The following TLE1 variants were observed in gnomAD, a reference collection of about 807,000 sequenced individuals.
The protein encoded by TLE1 is transducin-like enhancer protein 1.
In TLE1, 21 loss-of-function variants were observed where a neutral mutation model predicts 89.8. The ratio of observed to expected loss-of-function variants is 0.23; its 90% confidence interval spans 0.17 to 0.34. The LOEUF (loss-of-function observed/expected upper bound fraction) is 0.34. TLE1 is among the 10% of genes least tolerant of loss of function. The pLI is 1.00. For synonymous variants in TLE1, 447 were observed against 407.6 expected (o/e 1.10, Z -1.16); for missense variants, 795 against 1,031.2 (o/e 0.77, Z 3.14).
At position 81,617,764 on chromosome 9, in the gene TLE1, G is replaced by A. The variant is rs1739702803; in HGVS notation, c.712-1065C>T. On this transcript the variant is annotated intron_variant, in intron 9 of 19. Coordinates refer to ENST00000376499, the MANE Select transcript of TLE1 (RefSeq NM_005077.5). ...ATGTGGGCTGGGCGCGGTGGCTCAA[G>A]CCTATAATCCCAGCACTTTGGGAGG... is the stretch of plus-strand genomic sequence containing the variant. Among the ~76,000 whole-genome samples, 6 of 152,146 alleles carry A rather than the reference G, an allele frequency of 3.9e-5. No individual in the cohort carries two copies. In the South Asian group the frequency reaches 1.2e-3, roughly 32 times the overall value.
At chr9:81,636,960 G>C (rs998163857) in intron 6 of TLE1, among the ~76,000 whole-genome samples, 1 of 147,970 alleles carries the variant, frequency 6.8e-6, no homozygotes, top group Admixed American at 6.8e-5. Context: ...CTGAGATCAC[G>C]CCACTGTACT....
chr9:81,647,864 G>A (rs1829049467), intron 6 of TLE1, among the ~76,000 whole-genome samples: 6 of 152,168 alleles, frequency 3.9e-5, no homozygotes, highest in Admixed American at 3.3e-4. Flanking sequence ...AAAACACCAT[G>A]AAATGGACCA....
rs1458863494 is a variant in TLE1 at position 81,688,346 on chromosome 9, C to T, written c.-106G>A. 1.8e-5 allele frequency: 23 copies of T among 1,284,964 alleles called. No homozygotes were observed. The highest frequency in any genetic ancestry group is 4.7e-5 in the African/African-American group (3 of 63,204). 79.6% of individuals were successfully genotyped at this position (1,284,964 alleles called of 1,614,324 possible). A position where few individuals can be genotyped will look rare whatever the true frequency, so the allele number is the denominator to read the frequency against. ...ATTAAGCCGGAAAGCCAAGCAGAAG[C>T]GGGGAGCGCGCTGGCCACGCACGCG... On this transcript the variant is annotated 5_prime_UTR_variant, in exon 1 of 20. Transcript: ENST00000376499.
At chr9:81,638,579 T>G (rs1436728990) in intron 6 of TLE1, among the ~76,000 whole-genome samples, 3 of 152,180 alleles carry the variant, frequency 2.0e-5, no homozygotes, top group African/African-American at 7.2e-5. Context: ...ATACTGATAC[T>G]ACTATATAGC....
intron 8 of TLE1, among the ~76,000 whole-genome samples, chr9:81,626,775 T>G (rs1409652527): frequency 2.0e-5 from 3 of 152,136 alleles, no homozygotes; most frequent in Admixed American, 1.3e-4. Context: ...CAGGACAGGG[T>G]GCTAAAACCA....
intron 14 of TLE1, among the ~76,000 whole-genome samples, chr9:81,595,675 C>T (rs988085161): frequency 2.0e-4 from 30 of 151,862 alleles, no homozygotes; most frequent in African/African-American, 5.1e-4. Context: ...AAAAATCAGC[C>T]GGGTATGGTG....
chr9:81,656,778 T>C (rs1021293688), intron 4 of TLE1, among the ~76,000 whole-genome samples: 3 of 152,236 alleles, frequency 2.0e-5, no homozygotes, highest in Non-Finnish European at 2.9e-5. Flanking sequence ...CTAAGTACTA[T>C]TGACACCAGT....
chr9:81,667,675 A>C (rs1006809036), intron 4 of TLE1, among the ~76,000 whole-genome samples: 1 of 151,908 alleles, frequency 6.6e-6, no homozygotes, highest in Non-Finnish European at 1.5e-5. Context: ...TCAGTGCTGA[A>C]ACTTCAGCGG....
chr9:81,664,505 T>C (rs1461555232), intron 4 of TLE1, among the ~76,000 whole-genome samples: 1 of 152,174 alleles, frequency 6.6e-6, no homozygotes, highest in African/African-American at 2.4e-5. Context: ...TGAGTAGCTT[T>C]TGTTTAAAAT....
intron 8 of TLE1, among the ~76,000 whole-genome samples, chr9:81,626,803 C>A (rs1274296119): frequency 1.3e-5 from 2 of 152,146 alleles, no homozygotes; most frequent in Admixed American, 6.5e-5. Flanking sequence ...TTCGTCACCA[C>A]CCTCTCATTT....
intron 4 of TLE1, among the ~76,000 whole-genome samples, chr9:81,657,698 C>T (rs1236966269): frequency 3.3e-5 from 5 of 151,912 alleles, no homozygotes; most frequent in East Asian, 3.9e-4. Flanking sequence ...CAGAATCCCC[C>T]ATGGAAACCA....
At chr9:81,687,516 G>A in intron 1 of TLE1, 82 bp from the exon 2 acceptor site, 3 of 1,045,174 alleles carry the variant, frequency 2.9e-6, no homozygotes, top group African/African-American at 1.6e-5. Context: ...GGCAAGAACG[G>A]GTGGGACATA....
At chr9:81,623,414 C>T (rs1174029614) in intron 8 of TLE1, among the ~76,000 whole-genome samples, 1 of 152,020 alleles carries the variant, frequency 6.6e-6, no homozygotes, top group East Asian at 1.9e-4. Context: ...TCTAACAAAT[C>T]GAGGCAACAT....
chr9:81,633,224 G>A (rs2132348355), intron 8 of TLE1, 124 bp downstream of exon 8: 2 of 1,466,438 alleles, frequency 1.4e-6, no homozygotes, highest in Admixed American at 2.0e-5. Flanking sequence ...AGGTCACTGA[G>A]AGAGACAGGG....
chr9:81,646,806 A>C (rs1294128475), intron 6 of TLE1, among the ~76,000 whole-genome samples: 3 of 152,208 alleles, frequency 2.0e-5, no homozygotes, highest in Admixed American at 2.0e-4. Context: ...ATCTAGTCAG[A>C]CATCACAAAA....
chr9:81,657,257 T>A (rs1830250730), intron 4 of TLE1, among the ~76,000 whole-genome samples: 1 of 152,192 alleles, frequency 6.6e-6, no homozygotes, highest in African/African-American at 2.4e-5. Context: ...TCTTTCAACC[T>A]TGCTTAATAT....
chr9:81,614,552 T>A (rs890523558), intron 11 of TLE1, among the ~76,000 whole-genome samples: 24 of 152,192 alleles, frequency 1.6e-4, no homozygotes, highest in Non-Finnish European at 1.0e-4. Flanking sequence ...TAAAGAGAGC[T>A]CTTTCTGACC....
chr9:81,588,978 G>A (rs894773919), intron 16 of TLE1, among the ~76,000 whole-genome samples: 16 of 152,146 alleles, frequency 1.1e-4, no homozygotes, highest in Non-Finnish European at 2.4e-4. Flanking sequence ...AAGCCAAGAC[G>A]TGAACCATCA....
At chr9:81,633,288 C>CGT (rs56327119) in intron 8 of TLE1, 60 bp downstream of exon 8, 59,208 of 1,555,446 alleles carry the variant, frequency 0.038, 267 homozygotes, top group African/African-American at 0.084. Context: ...AGAAGGGGAC[C>CGT]GTGTGTGTGT....
Sources: gnomAD v4.1 joint callset for allele counts (sites outside exome capture counted in the v4.1 genomes callset) on GRCh38, gnomAD v4.1.1 for gene constraint, MANE v1.5 for transcripts, NCBI Gene and HGNC (gene_info 2026-07-23, HGNC 2026-07-21) for gene names.